The following CCDC18 variants were observed in gnomAD, a reference collection of about 807,000 sequenced individuals.
CCDC18 encodes coiled-coil domain-containing protein 18.
Under a neutral mutation model 196.0 loss-of-function variants are expected in CCDC18, and 157 were observed. The ratio of observed to expected loss-of-function variants is 0.80; its 90% CI spans 0.70 to 0.91. The LOEUF (loss-of-function observed/expected upper bound fraction) is 0.91, where lower values mean the gene tolerates loss of function less well. Ranked by LOEUF, CCDC18 falls within the 40% of genes least tolerant of loss-of-function variation. The pLI, the probability that CCDC18 is intolerant of heterozygous loss-of-function variation, is 0.00. For synonymous variants in CCDC18, 482 were observed against 529.2 expected, an observed-to-expected ratio of 0.91 and a Z score of 1.22; for missense variants, 1,465 against 1,611.6, an observed-to-expected ratio of 0.91 and a Z score of 1.56.
intron 23 of CCDC18, among the ~76,000 whole-genome samples, chr1:93,248,109 G>A (rs945472167): frequency 2.1e-5 from 3 of 145,810 alleles, no homozygotes; most frequent in East Asian, 2.2e-4. Flanking sequence ...TCCGCCTCCC[G>A]GGTTCAAGCA....
chr1:93,246,966 T>G lies in CCDC18; in HGVS notation c.3198+12T>G. On this transcript the variant is annotated intron_variant, in intron 23 of 28. Transcript: ENST00000690025. ...AATGTAACAAACAGGTAAATTATTT[T>G]AAAATTACGTATTTTAAATTATTTT... The G allele has an allele frequency of 9.7e-7, 1 of 1,026,670 alleles. No homozygotes were observed. Among genetic ancestry groups the G allele is most frequent in the East Asian group, 2.5e-5 (1 of 39,568 alleles). The allele number at this position is 1,026,670 out of a possible 1,614,324, so 63.6% of individuals were successfully genotyped here. A position where few individuals can be genotyped will look rare whatever the true frequency, so the allele number is the denominator to read the frequency against.
At position 93,221,886 on chromosome 1, in the gene CCDC18, GA is replaced by G; in HGVS notation, c.2126del (p.Asp709ValfsTer4). 6.2e-7 allele frequency: 1 copy of G among 1,601,658 alleles called. No individual in the cohort carries two copies. Among genetic ancestry groups the G allele is most frequent in the Non-Finnish European group, 8.5e-7 (1 of 1,172,326 alleles). ...GEMKKENMKK[D>X]EALKALQNQV... ...AATGAAAAAGGAAAATATGAAGAAA[GA>G]TGAAGCTTTAAAAGCATTACAGAAC... On this transcript the variant is annotated frameshift_variant, in exon 16 of 29. Coordinates refer to ENST00000690025, the MANE Select transcript of CCDC18 (RefSeq NM_001378204.1). LOFTEE classifies it high-confidence loss of function.
In CCDC18 at chr1:93,183,412, T is replaced by G. The variant is rs201375915; in HGVS notation, c.51T>G (p.Ser17Arg). The G allele has an allele frequency of 6.2e-7, 1 of 1,605,680 alleles. No individual in the cohort carries two copies. Among genetic ancestry groups the G allele is most frequent in the Non-Finnish European group, 8.5e-7 (1 of 1,174,574 alleles). ...DYYNKDNEEE[S>R]LLANVASLRH... ...ATAATAAAGACAATGAAGAGGAAAG[T>G]TTGCTTGCAAATGTTGCTTCCTTAA... Residue 17 changes from serine (S) to arginine (R), a missense_variant, in exon 2 of 29, where the codon AGT becomes AGG. Coordinates refer to ENST00000690025, the MANE Select transcript of CCDC18 (RefSeq NM_001378204.1).
At chr1:93,232,965 C>T (rs1014278239) in intron 18 of CCDC18, among the ~76,000 whole-genome samples, 5 of 151,338 alleles carry the variant, frequency 3.3e-5, no homozygotes, top group Admixed American at 6.6e-5. Context: ...AGTGAGACTC[C>T]GCCTAAAAAA....
At position 93,255,882 on chromosome 1, in the gene CCDC18, C is replaced by T. The variant is rs550978284; in HGVS notation, c.3343-453C>T. 2.0e-5 allele frequency among the ~76,000 whole-genome samples: 3 copies of T among 152,252 alleles called. No individual in the cohort carries two copies. The South Asian group carries it at 6.2e-4, about 32-fold the overall frequency. ...TATAAAACCATTTCAGTGGGAGTAG[C>T]AGCCCCAGTGACAAGTTTTACTTTC... On this transcript the variant is annotated intron_variant, in intron 24 of 28. Transcript: ENST00000690025.
Position 93,267,103 on chromosome 1 carries a change from A to C in CCDC18, c.3885+2202A>C, listed in dbSNP as rs187874559. On this transcript the variant is annotated intron_variant, in intron 27 of 28. Coordinates refer to ENST00000690025, the MANE Select transcript of CCDC18 (RefSeq NM_001378204.1). ...TCAAAAAGCTTATCCACCACAATTAAGTTGGCTTCATCCCTGGGATGCATG... is the reference window on the plus strand; with the variant it reads ...TCAAAAAGCTTATCCACCACAATTACGTTGGCTTCATCCCTGGGATGCATG... Among the ~76,000 whole-genome samples, 29 of 152,318 alleles carry C rather than the reference A, an allele frequency of 1.9e-4. No homozygotes were observed. The East Asian group carries it at 5.6e-3, about 29-fold the overall frequency.
At chr1:93,193,452 CTTAA>C (rs1397001420) in intron 5 of CCDC18, among the ~76,000 whole-genome samples, 160 bp from the exon 6 acceptor site, 1 of 152,154 alleles carries the variant, frequency 6.6e-6, no homozygotes, top group African/African-American at 2.4e-5. Flanking sequence ...TTAAAAAACT[CTTAA>C]TTAACAAGTG....
chr1:93,180,767 G>T lies in CCDC18; in HGVS notation c.-88G>T, dbSNP rs774691941. 7.3e-7 allele frequency: 1 copy of T among 1,367,624 alleles called. No individual in the cohort carries two copies. Among genetic ancestry groups the T allele is most frequent in the South Asian group, 1.1e-5 (1 of 88,042 alleles). The allele number at this position is 1,367,624 out of a possible 1,614,324, so 84.7% of individuals were successfully genotyped here. ...CCGGGGTTCGCTGGTTCTCCGAGTT[G>T]TGTCCGAGGCTTCCACGCGCAGGGG... On this transcript the variant is annotated 5_prime_UTR_variant, in exon 1 of 29. Transcript: ENST00000690025.
In CCDC18 at chr1:93,256,385, AG is replaced by A. The variant is rs1271055651; in HGVS notation, c.3394del (p.Asp1132IlefsTer6). On this transcript the variant is annotated frameshift_variant, in exon 25 of 29. Transcript: ENST00000690025. LOFTEE classifies it high-confidence loss of function. ...TTGCCACTCAGTACAAGGAGGCCATAGATTTGGGGCAAGAATTGAGGCTGAC... is the reference window on the plus strand; with the variant it reads ...TTGCCACTCAGTACAAGGAGGCCATAATTTGGGGCAAGAATTGAGGCTGAC... ...YIATQYKEAI[D>X]LGQELRLTRE... The A allele has an allele frequency of 5.0e-6, 8 of 1,614,014 alleles. No individual in the cohort carries two copies. In the Admixed American group the frequency reaches 1.2e-4, roughly 24 times the overall value.
At chr1:93,239,265 G>C (rs1371292035) in intron 19 of CCDC18, 45 bp from the exon 20 acceptor site, 1 of 1,391,318 alleles carries the variant, frequency 7.2e-7, no homozygotes, top group African/African-American at 1.4e-5. Context: ...CAAGTTAGTT[G>C]GTTAAGTTTC....
chr1:93,223,113 G>T (rs1228241168), intron 16 of CCDC18, among the ~76,000 whole-genome samples: 1 of 152,152 alleles, frequency 6.6e-6, no homozygotes, highest in African/African-American at 2.4e-5. Flanking sequence ...TTGTAGGCAT[G>T]AAATACTTTT....
At chr1:93,196,293 C>T (rs1652713980) in intron 6 of CCDC18, among the ~76,000 whole-genome samples, 1 of 152,046 alleles carries the variant, frequency 6.6e-6, no homozygotes, top group South Asian at 2.1e-4. Flanking sequence ...CATTGCACTC[C>T]AGCCTGAGTG....
intron 6 of CCDC18, among the ~76,000 whole-genome samples, chr1:93,200,792 T>C (rs7513705): frequency 0.62 from 93,755 of 152,058 alleles, 29,315 homozygotes; most frequent in South Asian, 0.69. Flanking sequence ...TTTTTACAAA[T>C]TGGAAGTGAG....
At chr1:93,190,706 T>G in intron 4 of CCDC18, 1 of 420,008 alleles carries the variant, frequency 2.4e-6, no homozygotes, top group Middle Eastern at 6.9e-4. Flanking sequence ...AACTCAAGAT[T>G]TTATTGTCTT....
At position 93,227,967 on chromosome 1, in the gene CCDC18, A is replaced by ATATATATATATATAT. The variant is rs1176767918; in HGVS notation, c.2292+1518_2292+1519insTATATATATATATAT. ...AGCGAGACCCTATCTCAAAAAAAAA[A>ATATATATATATATAT]AAAAATATATATATATATATATTTA... is the stretch of plus-strand genomic sequence containing the variant. On this transcript the variant is annotated intron_variant, in intron 17 of 28. Coordinates refer to ENST00000690025, the MANE Select transcript of CCDC18 (RefSeq NM_001378204.1). Among the ~76,000 whole-genome samples the ATATATATATATATAT allele has an allele frequency of 3.7e-5, 4 of 108,714 alleles. No homozygotes were observed. In the East Asian group the frequency reaches 6.8e-4, roughly 19 times the overall value. 71.3% of individuals were successfully genotyped at this position (108,714 alleles called of 152,430 possible). A position where few individuals can be genotyped will look rare whatever the true frequency, so the allele number is the denominator to read the frequency against.
intron 17 of CCDC18, among the ~76,000 whole-genome samples, chr1:93,227,303 C>T (rs1410351153): frequency 4.7e-5 from 7 of 149,016 alleles, no homozygotes; most frequent in South Asian, 2.1e-4. Context: ...GGACTATAGG[C>T]GCATGCTGCC....
chr1:93,203,040 G>A (rs1304078422), intron 7 of CCDC18, among the ~76,000 whole-genome samples: 1 of 152,156 alleles, frequency 6.6e-6, no homozygotes, highest in East Asian at 1.9e-4. Context: ...GTTCTAGGAA[G>A]CTCACCCTGA....
chr1:93,271,546 C>T (rs1411707803), intron 28 of CCDC18: 1 of 984,880 alleles, frequency 1.0e-6, no homozygotes, highest in African/African-American at 1.7e-5. Flanking sequence ...AATTCATACC[C>T]ACTCTAAGCT....
chr1:93,243,812 C>G (rs1661150645), intron 21 of CCDC18, among the ~76,000 whole-genome samples: 1 of 152,208 alleles, frequency 6.6e-6, no homozygotes, highest in Admixed American at 6.5e-5. Flanking sequence ...CCAAGACCAC[C>G]TCATTCTGGA....
Sources: allele counts gnomAD v4.1 joint callset (sites outside exome capture counted in the v4.1 genomes callset), GRCh38; gene constraint gnomAD v4.1.1; transcripts MANE v1.5; gene names NCBI Gene and HGNC (gene_info 2026-07-23, HGNC 2026-07-21).